ANKRD30A: variants seen among roughly 807,000 people sequenced by gnomAD.
ANKRD30A encodes ankyrin repeat domain-containing protein 30A.
ANKRD30A carries 170 observed loss-of-function variants against 166.3 expected under a neutral mutation model. The observed-to-expected ratio is 1.02, with a 90% confidence interval of 0.90 to 1.16. The LOEUF is 1.16. ANKRD30A is among the 50% of genes most tolerant of loss of function. ANKRD30A has a pLI of 0.00. For synonymous variants in ANKRD30A, 564 were observed against 508.9 expected (o/e 1.11, Z -1.46); for missense variants, 1,630 against 1,518.0 (o/e 1.07, Z -1.23).
At chr10:37,248,490 C>G in the ANKRD30A span, among the ~76,000 whole-genome samples, 1 of 152,146 alleles carries the variant, frequency 6.6e-6, no homozygotes, top group Non-Finnish European at 1.5e-5. Flanking sequence ...TGCTTCCCCC[C>G]ATCAGCCCCT....
chr10:37,142,940 G>A (rs934222772), intron 7 of ANKRD30A, among the ~76,000 whole-genome samples: 1 of 152,022 alleles, frequency 6.6e-6, no homozygotes. Context: ...GCTCTCTCAA[G>A]ACAATATTTA....
intron 25 of ANKRD30A, among the ~76,000 whole-genome samples, chr10:37,192,323 C>T (rs1034326602): frequency 2.0e-5 from 3 of 151,992 alleles, no homozygotes; most frequent in Non-Finnish European, 2.9e-5. Flanking sequence ...GAATTACAGG[C>T]ATGAGCCACT....
intron 21 of ANKRD30A, among the ~76,000 whole-genome samples, chr10:37,172,385 G>T (rs1301556444): frequency 1.6e-5 from 2 of 122,998 alleles, no homozygotes; most frequent in African/African-American, 3.2e-5. Context: ...TTATTTCTGG[G>T]TATGCTTTTA....
chr10:37,172,305 AT>A (rs1839634548), intron 21 of ANKRD30A, among the ~76,000 whole-genome samples: 1 of 119,536 alleles, frequency 8.4e-6, no homozygotes, highest in East Asian at 2.2e-4. Flanking sequence ...TCATGGGAAA[AT>A]AGTGGAAGAA....
intron 15 of ANKRD30A, among the ~76,000 whole-genome samples, chr10:37,159,856 G>A (rs866294603): frequency 1.3e-5 from 2 of 152,012 alleles, no homozygotes; most frequent in African/African-American, 2.4e-5. Context: ...CACCATGCCC[G>A]GCTAATGTTT....
chr10:37,193,361 G>A, intron 27 of ANKRD30A, 103 bp downstream of exon 27: 1 of 1,341,508 alleles, frequency 7.5e-7, no homozygotes, highest in Non-Finnish European at 1.0e-6. Context: ...TTCATAATTT[G>A]ATGGGAAATT....
rs543545188 is a variant in ANKRD30A, at chr10:37,195,136, A to T, written c.2614+1878A>T. Among the ~76,000 whole-genome samples, 14 of 152,326 alleles carry T rather than the reference A, an allele frequency of 9.2e-5. No homozygotes were observed. In the South Asian group the frequency reaches 2.9e-3, roughly 32 times the overall value. ...GTTGAACTTCAGAGATGCTCAGATC[A>T]GAAGTTAGAACAAGAATTTTCAAAA... is the stretch of plus-strand genomic sequence containing the variant. On this transcript the variant is annotated intron_variant, in intron 27 of 35. Transcript: ENST00000361713.
chr10:37,137,824 C>T (rs1418100706), intron 6 of ANKRD30A, among the ~76,000 whole-genome samples: 2 of 152,168 alleles, frequency 1.3e-5, no homozygotes, highest in African/African-American at 4.8e-5. Context: ...CAAAAGGCAG[C>T]AGAATCTGCA....
At chr10:37,190,966 C>G (rs71489123) in intron 25 of ANKRD30A, among the ~76,000 whole-genome samples, 3 of 151,670 alleles carry the variant, frequency 2.0e-5, no homozygotes, top group East Asian at 1.9e-4. Context: ...ACCTCATTAG[C>G]AAATAACATG....
At chr10:37,165,005 T>C in intron 17 of ANKRD30A, 89 bp from the exon 18 acceptor site, 1 of 1,352,168 alleles carries the variant, frequency 7.4e-7, no homozygotes, top group Middle Eastern at 1.9e-4. Context: ...AATCCACAGA[T>C]TCGTGAATGA....
At chr10:37,262,464 C>T in the ANKRD30A span, 1 of 155,682 alleles carries the variant, frequency 6.4e-6, no homozygotes, top group East Asian at 1.9e-4. Context: ...TTTTTTCAAA[C>T]TCTTCTGTCT....
At chr10:37,206,988 A>T (rs541303849) in intron 31 of ANKRD30A, among the ~76,000 whole-genome samples, 1 of 152,252 alleles carries the variant, frequency 6.6e-6, no homozygotes, top group East Asian at 1.9e-4. Context: ...TGTTGAATAC[A>T]TATTTCAATA....
chr10:37,136,219 C>T (rs1836675802), intron 5 of ANKRD30A, among the ~76,000 whole-genome samples: 1 of 152,164 alleles, frequency 6.6e-6, no homozygotes, highest in African/African-American at 2.4e-5. Flanking sequence ...TTATAATAGT[C>T]TAGTGAAATA....
At chr10:37,238,757 G>A in the ANKRD30A span, among the ~76,000 whole-genome samples, 4 of 152,218 alleles carry the variant, frequency 2.6e-5, no homozygotes, top group South Asian at 2.1e-4. Context: ...TTGAAGTCAC[G>A]TGAAAATGTA....
At chr10:37,178,043 G>A (rs1459583299) in intron 24 of ANKRD30A, among the ~76,000 whole-genome samples, 1 of 151,156 alleles carries the variant, frequency 6.6e-6, no homozygotes, top group Non-Finnish European at 1.5e-5. Context: ...AATGAAGACT[G>A]AGAAAGACAG....
At chr10:37,258,608 T>C in the ANKRD30A span, among the ~76,000 whole-genome samples, 36 of 148,692 alleles carry the variant, frequency 2.4e-4, no homozygotes, top group South Asian at 1.1e-3. Context: ...TAAACAAAGG[T>C]CAATCGTAGG....
chr10:37,214,210 A>C (rs1842488531), intron 31 of ANKRD30A, among the ~76,000 whole-genome samples: 1 of 151,642 alleles, frequency 6.6e-6, no homozygotes, highest in African/African-American at 2.4e-5. Flanking sequence ...CTTTGGTATT[A>C]ATACAACCAC....
intron 34 of ANKRD30A, among the ~76,000 whole-genome samples, chr10:37,229,378 A>G (rs1843312025): frequency 6.6e-6 from 1 of 151,960 alleles, no homozygotes; most frequent in African/African-American, 2.4e-5. Flanking sequence ...ACATGTACAT[A>G]CACGTTTATG....
At position 37,199,727 on chromosome 10, in the gene ANKRD30A, A is replaced by T. The variant is rs1485120324; in HGVS notation, c.2717A>T (p.Asp906Val). Residue 906 changes from aspartate to valine, a missense_variant and splice_region_variant, in exon 30 of 36, where the codon GAT becomes GTT. Transcript: ENST00000361713. ...ELKNEQTLRA[D>V]QMFPSESKQK... ...TGTATCTGTGATTAACCTTTTATAG[A>T]TCAGATGTTCCCTTCAGAATCAAAA... is the stretch of plus-strand genomic sequence containing the variant. The T allele has an allele frequency of 6.4e-7, 1 of 1,568,708 alleles. No homozygotes were observed. Among genetic ancestry groups the T allele is most frequent in the Admixed American group, 1.7e-5 (1 of 58,052 alleles).
Sources: gnomAD v4.1 joint callset for allele counts (sites outside exome capture counted in the v4.1 genomes callset) on GRCh38, gnomAD v4.1.1 for gene constraint, MANE v1.5 for transcripts, NCBI Gene and HGNC (gene_info 2026-07-23, HGNC 2026-07-21) for gene names.